The following PRR5 variants were observed in gnomAD, a reference collection of about 807,000 sequenced individuals.
PRR5 encodes proline-rich protein 5.
A neutral mutation model predicts 30.6 loss-of-function variants in PRR5; 25 were observed. The ratio of observed to expected loss-of-function variants is 0.82; its 90% confidence interval spans 0.60 to 1.14. The LOEUF is 1.14. Among genes scored for constraint, PRR5 ranks in the 50% most tolerant of loss-of-function variants. The pLI, the probability that PRR5 is intolerant of heterozygous loss-of-function variation, is 0.00. For synonymous variants in PRR5, 286 were observed against 247.1 expected (o/e 1.16, Z -1.48); for missense variants, 600 against 547.1 (o/e 1.10, Z -0.96).
At chr22:44,720,334 G>C (rs1929738574) in intron 2 of PRR5, among the ~76,000 whole-genome samples, 1 of 152,232 alleles carries the variant, frequency 6.6e-6, no homozygotes, top group African/African-American at 2.4e-5. Context: ...AAGGATGTCT[G>C]TTTTTCATCT....
At chr22:44,730,985 A>G in intron 4 of PRR5, 1 of 428,472 alleles carries the variant, frequency 2.3e-6, no homozygotes, top group South Asian at 1.9e-5. Flanking sequence ...CCCAGTGCCC[A>G]GCATCAGCGC....
At chr22:44,676,814 G>A (rs1319912393), upstream of PRR5, 1 of 152,336 alleles carries the variant, frequency 6.6e-6, no homozygotes, top group Non-Finnish European at 1.5e-5. Context: ...CGGGCAGGAA[G>A]GGGTGCTCTG....
intron 1 of PRR5, among the ~76,000 whole-genome samples, chr22:44,689,274 G>T (rs1033984291): frequency 6.6e-6 from 1 of 152,080 alleles, no homozygotes; most frequent in African/African-American, 2.4e-5. Context: ...GCTAACTCAC[G>T]GGTCGTCTTT....
upstream of PRR5, among the ~76,000 whole-genome samples, chr22:44,676,372 C>T (rs544323561): frequency 4.2e-5 from 4 of 94,664 alleles, no homozygotes; most frequent in African/African-American, 1.7e-4. Context: ...GCCTGGGCAA[C>T]ACAGTGAGAC....
chr22:44,720,088 G>T (rs1417324777), intron 2 of PRR5, among the ~76,000 whole-genome samples: 1 of 152,192 alleles, frequency 6.6e-6, no homozygotes. Flanking sequence ...TCCCTGGCAT[G>T]GTGTCCTCTA....
intron 1 of PRR5, among the ~76,000 whole-genome samples, chr22:44,707,638 C>T (rs1001676192): frequency 7.2e-5 from 11 of 152,234 alleles, no homozygotes; most frequent in Non-Finnish European, 1.3e-4. Context: ...CATGAGGGCA[C>T]GTGGGGGTAC....
At chr22:44,692,436 C>G (rs1216987376) in intron 1 of PRR5, among the ~76,000 whole-genome samples, 4 of 140,288 alleles carry the variant, frequency 2.9e-5, no homozygotes, top group South Asian at 2.4e-4. Flanking sequence ...GGGGGCTCCT[C>G]CTCCTGGGGC....
intron 1 of PRR5, among the ~76,000 whole-genome samples, chr22:44,708,556 A>G (rs557253880): frequency 2.4e-4 from 36 of 152,234 alleles, no homozygotes; most frequent in African/African-American, 3.6e-4. Flanking sequence ...TTACACAGCA[A>G]TAGTACCACC....
At chr22:44,687,942 T>C (rs973221530) in intron 1 of PRR5, among the ~76,000 whole-genome samples, 7 of 151,756 alleles carry the variant, frequency 4.6e-5, no homozygotes, top group African/African-American at 1.7e-4. Flanking sequence ...ACCTGGCTAA[T>C]TTTTGTATTT....
chr22:44,711,050 G>A (rs1047140754), intron 1 of PRR5, among the ~76,000 whole-genome samples: 18 of 151,838 alleles, frequency 1.2e-4, no homozygotes, highest in African/African-American at 3.9e-4. Context: ...CACAGAGGGA[G>A]CAGGCAGGGG....
chr22:44,709,582 AGTG>A (rs1468708070), intron 1 of PRR5, among the ~76,000 whole-genome samples: 4 of 152,146 alleles, frequency 2.6e-5, no homozygotes, highest in Non-Finnish European at 5.9e-5. Context: ...GGCCAGGCGC[AGTG>A]GCTCACACCT....
intron 2 of PRR5, among the ~76,000 whole-genome samples, chr22:44,715,446 G>A (rs150805926): frequency 5.9e-5 from 9 of 152,248 alleles, no homozygotes; most frequent in African/African-American, 2.2e-4. Context: ...ATACGCAGGC[G>A]CCCCCCTCCA....
chr22:44,676,415 AG>A (rs1923769724), upstream of PRR5, among the ~76,000 whole-genome samples: 18 of 145,776 alleles, frequency 1.2e-4, no homozygotes, highest in South Asian at 2.4e-3. Flanking sequence ...AAAAAAAAAA[AG>A]AAAGAAAGAA....
chr22:44,693,457 T>TAAAAAAAAAAAA, intron 1 of PRR5, among the ~76,000 whole-genome samples: 2 of 136,410 alleles, frequency 1.5e-5, no homozygotes, highest in Admixed American at 1.4e-4. Context: ...AGACCCTGTC[T>TAAAAAAAAAAAA]CAAAAAAAAA....
chr22:44,691,213 A>C lies in PRR5; in HGVS notation c.-10-11279A>C, dbSNP rs752136366. 1.6e-4 allele frequency among the ~76,000 whole-genome samples: 24 copies of C among 151,894 alleles called. No individual in the cohort carries two copies. Among genetic ancestry groups the C allele is most frequent in the Non-Finnish European group, 2.9e-4 (20 of 67,956 alleles). The stretch of plus-strand genomic sequence containing the variant: ...GAAGATCTGGGCTGCTTCCGGGAGG[A>C]TTTGGGTAGAGAAAACCGGGGTCTG... On this transcript the variant is annotated intron_variant, in intron 1 of 8. Transcript: ENST00000006251. The surrounding 1 kb of genome is among the most constrained non-coding windows in gnomAD (Gnocchi z 4.4).
intron 4 of PRR5, chr22:44,729,170 C>T (rs892643978): frequency 2.2e-6 from 1 of 456,584 alleles, no homozygotes; most frequent in Non-Finnish European, 2.9e-6. Context: ...GCCTTACACG[C>T]TTGCCTCCAT....
At chr22:44,680,017 G>C (rs1397610157) in intron 1 of PRR5, 4 of 764,892 alleles carry the variant, frequency 5.2e-6, no homozygotes, top group East Asian at 5.4e-5. Flanking sequence ...CTGGACCTCA[G>C]CCTGAGTGAG....
chr22:44,699,071 G>A (rs900477107), upstream of PRR5, among the ~76,000 whole-genome samples: 1 of 152,198 alleles, frequency 6.6e-6, no homozygotes. Flanking sequence ...GCCAGGGAGA[G>A]GTTATAGCTA....
chr22:44,673,447 C>T (rs1402018419), upstream of PRR5, among the ~76,000 whole-genome samples: 1 of 152,242 alleles, frequency 6.6e-6, no homozygotes, highest in Non-Finnish European at 1.5e-5. Flanking sequence ...TTTTAACCCT[C>T]TGAAGGGCCT....
Sources: gnomAD v4.1 joint callset for allele counts (sites outside exome capture counted in the v4.1 genomes callset) on GRCh38, gnomAD v4.1.1 for gene constraint, Gnocchi (gnomAD v3.1) non-coding constraint, MANE v1.5 for transcripts, NCBI Gene and HGNC (gene_info 2026-07-23, HGNC 2026-07-21) for gene names.